Variants in C1orf21 observed in about 807,000 individuals in gnomAD.
C1orf21 encodes the protein chromosome 1 open reading frame 21, also known as uncharacterized protein C1orf21.
Under a neutral mutation model 18.7 loss-of-function variants are expected in C1orf21, and 3 were observed. The ratio of observed to expected loss-of-function variants is 0.16; its 90% CI spans 0.07 to 0.42. The LOEUF (loss-of-function observed/expected upper bound fraction) is 0.42, where lower values mean the gene tolerates loss of function less well. Ranked by LOEUF, C1orf21 falls within the 10% of genes least tolerant of loss-of-function variation. The probability of loss-of-function intolerance (pLI) is 0.99; values close to 1 mark genes in which losing one functional copy is unlikely to be tolerated. For synonymous variants in C1orf21, 41 were observed against 46.4 expected, an observed-to-expected ratio of 0.88 and a Z score of 0.47; for missense variants, 104 against 143.6, an observed-to-expected ratio of 0.72 and a Z score of 1.41.
intron 1 of C1orf21, chr1:184,408,206 T>C (rs942324767): frequency 6.6e-6 from 1 of 152,224 alleles, no homozygotes; most frequent in African/African-American, 2.4e-5. Context: ...CAATTCAGTA[T>C]TTCCTCGCTG....
At chr1:184,457,813 G>A (rs1657244065) in intron 1 of C1orf21, among the ~76,000 whole-genome samples, 1 of 152,196 alleles carries the variant, frequency 6.6e-6, no homozygotes. Context: ...TGACAGCTAA[G>A]TATAAAGAGC....
intron 1 of C1orf21, among the ~76,000 whole-genome samples, chr1:184,397,600 A>AG (rs1656081466): frequency 6.6e-6 from 1 of 151,450 alleles, no homozygotes; most frequent in African/African-American, 2.4e-5. Context: ...AGAAAAAAAA[A>AG]CAACTGTATG....
At chr1:184,598,209 T>C (rs1659543500) in intron 4 of C1orf21, among the ~76,000 whole-genome samples, 192 bp from the exon 5 acceptor site, 1 of 152,162 alleles carries the variant, frequency 6.6e-6, no homozygotes, top group East Asian at 1.9e-4. Flanking sequence ...TAGGCACTGA[T>C]AGACAATTAT....
intron 4 of C1orf21, among the ~76,000 whole-genome samples, chr1:184,593,271 T>TTGTG (rs55802126): frequency 0.2 from 30,333 of 149,684 alleles, 3,606 homozygotes; most frequent in African/African-American, 0.34. Context: ...AGCAGCATGC[T>TTGTG]TGTGTGTGTG....
intron 2 of C1orf21, among the ~76,000 whole-genome samples, chr1:184,484,299 G>A (rs1475662911): frequency 6.6e-6 from 1 of 152,036 alleles, no homozygotes; most frequent in South Asian, 2.1e-4. Context: ...CATCTTCGCT[G>A]CTCTAGGCCC....
chr1:184,427,515 A>G (rs1656661519), intron 1 of C1orf21, among the ~76,000 whole-genome samples: 1 of 152,078 alleles, frequency 6.6e-6, no homozygotes, highest in South Asian at 2.1e-4. Context: ...AGAAGTGAGC[A>G]CTAGAGTGGA....
At chr1:184,468,923 C>A (rs1328737568) in intron 1 of C1orf21, among the ~76,000 whole-genome samples, 1 of 149,888 alleles carries the variant, frequency 6.7e-6, no homozygotes, top group Non-Finnish European at 1.5e-5. Context: ...ATCCCAAAAA[C>A]AAAACAAAAG....
At chr1:184,405,551 A>T (rs72735673) in intron 1 of C1orf21, among the ~76,000 whole-genome samples, 1 of 151,916 alleles carries the variant, frequency 6.6e-6, no homozygotes, top group Non-Finnish European at 1.5e-5. Flanking sequence ...CAGTTCCCCC[A>T]TTCTTGCTAC....
intron 3 of C1orf21, among the ~76,000 whole-genome samples, chr1:184,533,497 T>A (rs1658500806): frequency 6.6e-6 from 1 of 152,222 alleles, no homozygotes; most frequent in South Asian, 2.1e-4. Context: ...TTATTTTTAA[T>A]ACTTCCGGTA....
intron 3 of C1orf21, among the ~76,000 whole-genome samples, chr1:184,511,215 A>G (rs2101965348): frequency 6.6e-6 from 1 of 152,304 alleles, no homozygotes; most frequent in African/African-American, 2.4e-5. Flanking sequence ...ACACAAAAGA[A>G]AAAGTTAAAC....
At chr1:184,444,677 T>G (rs922627361) in intron 1 of C1orf21, among the ~76,000 whole-genome samples, 1 of 152,166 alleles carries the variant, frequency 6.6e-6, no homozygotes, top group Non-Finnish European at 1.5e-5. Flanking sequence ...ACTTCCTTTA[T>G]ATAAAAATGA....
intron 3 of C1orf21, among the ~76,000 whole-genome samples, chr1:184,571,595 G>T (rs566928253): frequency 6.6e-6 from 1 of 152,174 alleles, no homozygotes; most frequent in Admixed American, 6.5e-5. Flanking sequence ...TCCATGACTT[G>T]CCTGGCTTTG....
intron 3 of C1orf21, among the ~76,000 whole-genome samples, chr1:184,551,267 GA>G: frequency 6.6e-6 from 1 of 151,966 alleles, no homozygotes; most frequent in African/African-American, 2.4e-5. Flanking sequence ...AAATCCAGGA[GA>G]AAAAAATGAC....
At chr1:184,546,363 A>G (rs1434373535) in intron 3 of C1orf21, among the ~76,000 whole-genome samples, 3 of 152,206 alleles carry the variant, frequency 2.0e-5, no homozygotes, top group Non-Finnish European at 4.4e-5. Flanking sequence ...TGAACCCAGG[A>G]GGCAGAGGCT....
chr1:184,436,617 G>T (rs2101973075), intron 1 of C1orf21, among the ~76,000 whole-genome samples: 1 of 152,242 alleles, frequency 6.6e-6, no homozygotes, highest in African/African-American at 2.4e-5. Flanking sequence ...TCACTGAATA[G>T]ACTGAGAAGT....
intron 3 of C1orf21, among the ~76,000 whole-genome samples, chr1:184,555,514 A>G (rs1658865212): frequency 6.7e-6 from 1 of 149,362 alleles, no homozygotes; most frequent in Non-Finnish European, 1.5e-5. Flanking sequence ...ATGTGGGAAT[A>G]GCACACACAC....
intron 3 of C1orf21, among the ~76,000 whole-genome samples, chr1:184,581,370 C>A (rs1434156013): frequency 6.6e-6 from 1 of 151,070 alleles, no homozygotes; most frequent in East Asian, 1.9e-4. Flanking sequence ...GCGAAGGTTG[C>A]AGTGAGCCGA....
At chr1:184,455,231 G>T (rs540815934) in intron 1 of C1orf21, among the ~76,000 whole-genome samples, 1 of 152,174 alleles carries the variant, frequency 6.6e-6, no homozygotes, top group African/African-American at 2.4e-5. Context: ...TCTCTTAAAA[G>T]TCAGAAGGAG....
At chr1:184,464,117 G>A (rs1657350626) in intron 1 of C1orf21, among the ~76,000 whole-genome samples, 1 of 152,200 alleles carries the variant, frequency 6.6e-6, no homozygotes, top group Non-Finnish European at 1.5e-5. Context: ...GGAAAGCCTT[G>A]AATTCCATGA....
Sources: gnomAD v4.1 joint callset for allele counts (sites outside exome capture counted in the v4.1 genomes callset) on GRCh38, gnomAD v4.1.1 for gene constraint, MANE v1.5 for transcripts, NCBI Gene and HGNC (gene_info 2026-07-23, HGNC 2026-07-21) for gene names.